Variants in DPP10 observed in about 807,000 individuals in gnomAD.
DPP10 encodes dipeptidyl peptidase like 10, also known as inactive dipeptidyl peptidase 10.
A neutral mutation model predicts 120.9 loss-of-function variants in DPP10; 33 were observed. That is an observed-to-expected ratio of 0.27 (90% CI 0.21 to 0.37). DPP10 has a LOEUF of 0.37. Among genes scored for constraint, DPP10 ranks in the 10% least tolerant of loss-of-function variants. The pLI, the probability that DPP10 is intolerant of heterozygous loss-of-function variation, is 1.00. For synonymous variants in DPP10, 337 were observed against 326.1 expected (o/e 1.03, Z -0.36); for missense variants, 816 against 942.8 (o/e 0.87, Z 1.76).
At chr2:114,714,000 A>T (rs1020837050) in intron 1 of DPP10, among the ~76,000 whole-genome samples, 25 of 151,324 alleles carry the variant, frequency 1.7e-4, no homozygotes, top group African/African-American at 5.8e-4. Context: ...AAAAAGAAAA[A>T]AATAAAATAA....
At chr2:115,346,145 C>A (rs559282091) in intron 3 of DPP10, among the ~76,000 whole-genome samples, 18 of 152,240 alleles carry the variant, frequency 1.2e-4, no homozygotes, top group African/African-American at 4.3e-4. Flanking sequence ...ATCTTTCTGG[C>A]AAGTGCTAGA....
rs535391420 is a variant in DPP10 at position 114,520,413 on chromosome 2, C to A, written c.60+77575C>A. ...CTTCATAAAGGATATTGCTTAAAGG[C>A]AAAACACCGACTGCAAGAATGCCAC... On this transcript the variant is annotated intron_variant, in intron 1 of 25. Transcript: ENST00000410059. Among the ~76,000 whole-genome samples, 18 of 152,248 alleles carry A rather than the reference C, an allele frequency of 1.2e-4. No homozygotes were observed. In the East Asian group the frequency reaches 3.5e-3, roughly 29 times the overall value.
intron 1 of DPP10, among the ~76,000 whole-genome samples, chr2:114,500,177 A>T (rs554847990): frequency 7.2e-4 from 110 of 152,342 alleles, no homozygotes; most frequent in African/African-American, 2.2e-3. Flanking sequence ...ATTTCTAGAA[A>T]CTAACAGAAG....
intron 1 of DPP10, among the ~76,000 whole-genome samples, chr2:114,812,676 T>C (rs1283595058): frequency 6.6e-6 from 1 of 152,048 alleles, no homozygotes; most frequent in African/African-American, 2.4e-5. Flanking sequence ...TCTGTATCTC[T>C]ACAGCTTCCT....
At chr2:114,750,081 T>C (rs2106034149) in intron 1 of DPP10, among the ~76,000 whole-genome samples, 1 of 152,314 alleles carries the variant, frequency 6.6e-6, no homozygotes, top group South Asian at 2.1e-4. Flanking sequence ...CAAATACTTT[T>C]TTATATGTTT....
intron 3 of DPP10, among the ~76,000 whole-genome samples, chr2:115,489,547 T>C (rs1646715919): frequency 6.7e-6 from 1 of 149,140 alleles, no homozygotes. Flanking sequence ...TAAAAACAAA[T>C]AAAAGGCCAT....
At chr2:115,283,132 T>C (rs2060229114) in intron 1 of DPP10, among the ~76,000 whole-genome samples, 1 of 152,092 alleles carries the variant, frequency 6.6e-6, no homozygotes, top group Non-Finnish European at 1.5e-5. Flanking sequence ...TTATTTCTCA[T>C]CCTGGCCTAT....
chr2:114,949,213 G>A lies in DPP10; in HGVS notation c.61-360026G>A, dbSNP rs182320704. Among the ~76,000 whole-genome samples, 320 of 152,112 alleles carry A rather than the reference G, an allele frequency of 2.1e-3. 4 individuals are homozygous for A. The highest frequency in any genetic ancestry group is 6.7e-3 in the African/African-American group (277 of 41,494). On this transcript the variant is annotated intron_variant, in intron 1 of 25. Transcript: ENST00000410059. ...GCTGGGATTACAGGTGTGAGCCACC[G>A]CGCCTGGCCCAGTAAGACACTTTTA...
intron 1 of DPP10, among the ~76,000 whole-genome samples, chr2:114,524,621 A>T (rs1685343988): frequency 6.6e-6 from 1 of 152,252 alleles, no homozygotes; most frequent in African/African-American, 2.4e-5. Flanking sequence ...GCTCTCAAGG[A>T]GCTGAATATC....
chr2:115,561,294 G>A (rs1350814243), intron 5 of DPP10, among the ~76,000 whole-genome samples: 1 of 149,868 alleles, frequency 6.7e-6, no homozygotes, highest in Non-Finnish European at 1.5e-5. Flanking sequence ...AGGAGGTGGA[G>A]GTGGCAGTGA....
At chr2:115,553,666 G>T (rs1212732134) in intron 5 of DPP10, among the ~76,000 whole-genome samples, 1 of 151,832 alleles carries the variant, frequency 6.6e-6, no homozygotes, top group African/African-American at 2.4e-5. Flanking sequence ...CTGAACAAAT[G>T]GCATATTATA....
intron 3 of DPP10, among the ~76,000 whole-genome samples, chr2:115,430,606 AG>A (rs1258004103): frequency 1.3e-5 from 2 of 152,202 alleles, no homozygotes; most frequent in African/African-American, 4.8e-5. Flanking sequence ...AATATATTTC[AG>A]GAGAAAAATT....
At chr2:114,727,524 TC>T (rs1344483488) in intron 1 of DPP10, among the ~76,000 whole-genome samples, 1 of 152,190 alleles carries the variant, frequency 6.6e-6, no homozygotes, top group Non-Finnish European at 1.5e-5. Flanking sequence ...GAGGCACTGT[TC>T]CTGGGCCAAC....
chr2:114,544,605 A>T (rs377040002), intron 1 of DPP10, among the ~76,000 whole-genome samples: 1 of 152,156 alleles, frequency 6.6e-6, no homozygotes, highest in East Asian at 1.9e-4. Flanking sequence ...TACAGAAAAT[A>T]AGAGTCATTG....
chr2:114,701,599 A>G (rs536940405), intron 1 of DPP10, among the ~76,000 whole-genome samples: 318 of 152,252 alleles, frequency 2.1e-3, no homozygotes, highest in Admixed American at 4.9e-3. Flanking sequence ...ACATTTGCCT[A>G]AAAAGTATAA....
intron 1 of DPP10, among the ~76,000 whole-genome samples, chr2:115,157,859 C>A (rs1334282460): frequency 6.6e-6 from 1 of 152,134 alleles, no homozygotes; most frequent in Non-Finnish European, 1.5e-5. Context: ...AGAGGACTGG[C>A]TAATGCTAGG....
intron 1 of DPP10, among the ~76,000 whole-genome samples, chr2:114,655,856 T>C (rs937243144): frequency 6.6e-5 from 10 of 152,162 alleles, no homozygotes; most frequent in South Asian, 2.1e-4. Flanking sequence ...TTGTTTTAAA[T>C]GAGCAATTCC....
intron 3 of DPP10, among the ~76,000 whole-genome samples, chr2:115,384,200 A>G (rs1458169447): frequency 6.6e-6 from 1 of 152,104 alleles, no homozygotes; most frequent in Admixed American, 6.6e-5. Context: ...CCTCTTATGC[A>G]AGGTGAGGCA....
intron 1 of DPP10, among the ~76,000 whole-genome samples, chr2:115,308,704 T>G (rs927439056): frequency 1.3e-5 from 2 of 151,610 alleles, no homozygotes; most frequent in East Asian, 2.0e-4. Context: ...TTTTTTTTTT[T>G]TTTTTTTTTT....
Sources: allele counts gnomAD v4.1 joint callset (sites outside exome capture counted in the v4.1 genomes callset), GRCh38; gene constraint gnomAD v4.1.1; transcripts MANE v1.5; gene names NCBI Gene and HGNC (gene_info 2026-07-23, HGNC 2026-07-21).